The following CEP112 variants were observed in gnomAD, a reference collection of about 807,000 sequenced individuals.
The protein encoded by CEP112 is centrosomal protein of 112 kDa.
A neutral mutation model predicts 153.0 loss-of-function variants in CEP112; 127 were observed. The observed-to-expected ratio is 0.83, with a 90% CI of 0.72 to 0.96. The LOEUF (loss-of-function observed/expected upper bound fraction) is 0.96. Among genes scored for constraint, CEP112 ranks in the 40% least tolerant of loss-of-function variants. CEP112 has a pLI of 0.00. For synonymous variants in CEP112, 358 were observed against 374.4 expected (o/e 0.96, Z 0.51); for missense variants, 1,089 against 1,101.2 (o/e 0.99, Z 0.16).
intron 21 of CEP112, among the ~76,000 whole-genome samples, chr17:65,836,893 A>G (rs1451752336): frequency 7.4e-6 from 1 of 135,474 alleles, no homozygotes; most frequent in African/African-American, 2.8e-5. Flanking sequence ...GGCTCACTGC[A>G]ACCTCCCTGC....
chr17:65,778,713 T>G (rs1444132433), intron 21 of CEP112, among the ~76,000 whole-genome samples: 1 of 152,120 alleles, frequency 6.6e-6, no homozygotes, highest in Admixed American at 6.6e-5. Flanking sequence ...GAGGGAGAGG[T>G]GGAAGTGAAA....
intron 20 of CEP112, among the ~76,000 whole-genome samples, chr17:65,868,738 G>A (rs2058559943): frequency 6.6e-6 from 1 of 152,050 alleles, no homozygotes; most frequent in Admixed American, 6.6e-5. Context: ...CTATATATAT[G>A]TTCATTAGCA....
chr17:65,980,726 T>C (rs566418531), intron 17 of CEP112, among the ~76,000 whole-genome samples: 24 of 152,288 alleles, frequency 1.6e-4, no homozygotes, highest in Admixed American at 5.9e-4. Flanking sequence ...TCCCTCAAAA[T>C]GTACCACCAG....
intron 18 of CEP112, among the ~76,000 whole-genome samples, chr17:65,946,469 A>G (rs1439315656): frequency 1.3e-5 from 2 of 152,158 alleles, no homozygotes; most frequent in African/African-American, 2.4e-5. Context: ...TCCTTTTGAC[A>G]TGAATCAGAC....
Position 66,057,505 on chromosome 17 carries a change from C to T in CEP112, c.1075-3626G>A, listed in dbSNP as rs190898450. On this transcript the variant is annotated intron_variant, in intron 11 of 26. Transcript: ENST00000535342. ...GAAGTTTAAGGACAATGATGGAATT[C>T]AGACCAAGGAGAGATTTTAAATAGG... is the stretch of plus-strand genomic sequence containing the variant. Among the ~76,000 whole-genome samples the T allele has an allele frequency of 1.4e-4, 22 of 152,142 alleles. No individual in the cohort carries two copies. The East Asian group carries it at 4.1e-3, about 28-fold the overall frequency.
At position 65,777,061 on chromosome 17, in the gene CEP112, C is replaced by T. The variant is rs189669957; in HGVS notation, c.2395-26337G>A. Among the ~76,000 whole-genome samples, 258 of 152,252 alleles carry T rather than the reference C, an allele frequency of 1.7e-3. 3 individuals are homozygous for T. Among genetic ancestry groups the T allele is most frequent in the Non-Finnish European group, 1.1e-3 (76 of 68,020 alleles). On this transcript the variant is annotated intron_variant, in intron 21 of 26. Coordinates refer to ENST00000535342, the MANE Select transcript of CEP112 (RefSeq NM_001199165.4). ...CAGAATAAAGACTACATTTTCCAGCCTCCTTTGCAGCTGGACGTGGTCATG... is the reference window on the plus strand; with the variant it reads ...CAGAATAAAGACTACATTTTCCAGCTTCCTTTGCAGCTGGACGTGGTCATG...
At chr17:66,053,643 C>T in intron 12 of CEP112, 93 bp downstream of exon 12, 1 of 1,268,160 alleles carries the variant, frequency 7.9e-7, no homozygotes, top group Non-Finnish European at 1.1e-6. Flanking sequence ...CTGTAACACA[C>T]TTCTTTCTAC....
At chr17:66,015,091 ATTTTTAACCTACATCCCTCTAATATT>A (rs1324491316) in intron 16 of CEP112, among the ~76,000 whole-genome samples, 1 of 152,218 alleles carries the variant, frequency 6.6e-6, no homozygotes, top group Non-Finnish European at 1.5e-5. Flanking sequence ...TTTCACAATT[ATTTTTAACCTACATCCCTCTAATATT>A]TAGCAAGTTA....
chr17:66,167,799 A>G (rs542456537), intron 4 of CEP112, among the ~76,000 whole-genome samples: 1 of 152,322 alleles, frequency 6.6e-6, no homozygotes, highest in African/African-American at 2.4e-5. Flanking sequence ...TCTTGTCTAT[A>G]AATACAAAAG....
chr17:66,138,541 A>G (rs1425972296), intron 4 of CEP112, among the ~76,000 whole-genome samples: 1 of 152,248 alleles, frequency 6.6e-6, no homozygotes, highest in Non-Finnish European at 1.5e-5. Context: ...ACAGAATATT[A>G]AAAGGTGAAA....
At chr17:66,067,243 G>A (rs2067157830) in intron 9 of CEP112, among the ~76,000 whole-genome samples, 1 of 152,186 alleles carries the variant, frequency 6.6e-6, no homozygotes, top group Admixed American at 6.5e-5. Context: ...GAAATCGTGA[G>A]ACTTTCCTCC....
intron 17 of CEP112, among the ~76,000 whole-genome samples, chr17:65,986,927 TACAA>T (rs112108814): frequency 9.2e-5 from 14 of 152,192 alleles, no homozygotes; most frequent in African/African-American, 2.6e-4. Context: ...TAGAAAAGTG[TACAA>T]ACAGTGAGAG....
intron 21 of CEP112, among the ~76,000 whole-genome samples, chr17:65,791,499 A>G (rs1184172954): frequency 6.6e-6 from 1 of 152,234 alleles, no homozygotes; most frequent in Non-Finnish European, 1.5e-5. Context: ...GTATAAGGAC[A>G]GTAATTGATA....
intron 6 of CEP112, among the ~76,000 whole-genome samples, chr17:66,126,849 A>G (rs2146498901): frequency 6.6e-6 from 1 of 152,308 alleles, no homozygotes; most frequent in African/African-American, 2.4e-5. Context: ...TCAGTAATAT[A>G]AAAAATGTAT....
At chr17:65,730,981 C>T (rs1233913705) in intron 23 of CEP112, among the ~76,000 whole-genome samples, 1 of 152,106 alleles carries the variant, frequency 6.6e-6, no homozygotes, top group Non-Finnish European at 1.5e-5. Context: ...CAGTGAGAAA[C>T]TTTCAATACG....
At chr17:66,065,527 C>T (rs1320991023) in intron 10 of CEP112, among the ~76,000 whole-genome samples, 1 of 152,092 alleles carries the variant, frequency 6.6e-6, no homozygotes, top group Admixed American at 6.5e-5. Context: ...TTCCCTGGCT[C>T]TTTACATCCA....
At chr17:66,163,174 T>G (rs895410694) in intron 4 of CEP112, among the ~76,000 whole-genome samples, 28 of 152,184 alleles carry the variant, frequency 1.8e-4, no homozygotes, top group African/African-American at 6.8e-4. Flanking sequence ...ATTGGCTAGG[T>G]TGAAAGTATA....
chr17:65,880,518 CTA>C (rs2059021728), intron 20 of CEP112, among the ~76,000 whole-genome samples: 1 of 152,208 alleles, frequency 6.6e-6, no homozygotes, highest in Non-Finnish European at 1.5e-5. Flanking sequence ...ACTGTGCAAG[CTA>C]TGACTTCTTT....
rs57907674 is a variant in CEP112, at chr17:65,679,129, C to CTTTTTTT, written c.2697+9993_2697+9999dup. Reference sequence around the variant, plus strand: ...AATGTCCTTGACACTGTGGTTCAAGCTTTTTTTTTTTTTTTTTTTTTTTTT... The same window carrying CTTTTTTT: ...AATGTCCTTGACACTGTGGTTCAAGCTTTTTTTTTTTTTTTTTTTTTTTTTTTTTTTT... On this transcript the variant is annotated intron_variant, in intron 24 of 26. Transcript: ENST00000535342. 2.0e-3 allele frequency among the ~76,000 whole-genome samples: 63 copies of CTTTTTTT among 31,630 alleles called. 26 individuals carry two copies. The highest frequency in any genetic ancestry group is 4.2e-3 in the South Asian group (3 of 718). 20.8% of individuals were successfully genotyped at this position (31,630 alleles called of 152,430 possible).
Sources: allele counts gnomAD v4.1 joint callset (sites outside exome capture counted in the v4.1 genomes callset), GRCh38; gene constraint gnomAD v4.1.1; transcripts MANE v1.5; gene names NCBI Gene and HGNC (gene_info 2026-07-23, HGNC 2026-07-21).